CDK15: variants seen among roughly 807,000 people sequenced by gnomAD.
CDK15 encodes the protein cyclin dependent kinase 15.
A neutral mutation model predicts 60.3 loss-of-function variants in CDK15; 62 were observed. The ratio of observed to expected loss-of-function variants is 1.03; its 90% CI spans 0.84 to 1.27. The LOEUF (loss-of-function observed/expected upper bound fraction) is 1.27. Among genes scored for constraint, CDK15 ranks in the 50% most tolerant of loss-of-function variants. The pLI is 0.00. For missense variants in CDK15, 541 were observed against 527.8 expected (o/e 1.03, Z -0.25); for synonymous variants, 194 against 195.7 (o/e 0.99, Z 0.07).
chr2:201,854,703 G>A lies in CDK15; in HGVS notation c.946-171G>A, dbSNP rs1045548698. ...CAGTTTTGCCCAAGAAACCACAAACGTTGGAAACACTCAAGTTTCTTTCTC... is the reference window on the plus strand; with the variant it reads ...CAGTTTTGCCCAAGAAACCACAAACATTGGAAACACTCAAGTTTCTTTCTC... On this transcript the variant is annotated intron_variant, in intron 9 of 13. Coordinates refer to ENST00000652192, the MANE Select transcript of CDK15 (RefSeq NM_001366386.2). 1.5e-5 allele frequency: 9 copies of A among 599,576 alleles called. No homozygotes were observed. In the East Asian group the frequency reaches 2.0e-4, roughly 13 times the overall value. 37.1% of individuals were successfully genotyped at this position (599,576 alleles called of 1,614,324 possible).
intron 9 of CDK15, among the ~76,000 whole-genome samples, chr2:201,850,581 C>T (rs1697864290): frequency 6.6e-6 from 1 of 152,194 alleles, no homozygotes; most frequent in Non-Finnish European, 1.5e-5. Flanking sequence ...ACTATAGATG[C>T]AGTAACAAAA....
chr2:201,874,964 G>A (rs899491723), intron 11 of CDK15, among the ~76,000 whole-genome samples: 1 of 151,442 alleles, frequency 6.6e-6, no homozygotes, highest in African/African-American at 2.4e-5. Flanking sequence ...GCACCTCAGA[G>A]GTCAGTGGCA....
At chr2:201,891,615 C>A (rs1699641540) in intron 13 of CDK15, among the ~76,000 whole-genome samples, 1 of 152,040 alleles carries the variant, frequency 6.6e-6, no homozygotes, top group African/African-American at 2.4e-5. Flanking sequence ...TTCCCAAACC[C>A]ACCATACCCT....
chr2:201,806,596 A>G lies in CDK15; in HGVS notation c.-69A>G. On this transcript the variant is annotated 5_prime_UTR_variant, in exon 1 of 14. Coordinates refer to ENST00000652192, the MANE Select transcript of CDK15 (RefSeq NM_001366386.2). ...CTGCTGACCTCTGGCAAAAAGGGAG[A>G]GAACAAGGATAGGAGAGGCAGTGGG... 3 of 1,468,868 alleles carry G rather than the reference A, an allele frequency of 2.0e-6. No homozygotes were observed. Among genetic ancestry groups the G allele is most frequent in the Admixed American group, 4.1e-5 (2 of 48,396 alleles). 91.0% of individuals were successfully genotyped at this position (1,468,868 alleles called of 1,614,324 possible).
chr2:201,889,038 C>T, intron 12 of CDK15: 6 of 985,414 alleles, frequency 6.1e-6, no homozygotes, highest in Non-Finnish European at 7.2e-6. Context: ...CCCTTTCCAG[C>T]CTATTTGGAA....
chr2:201,868,514 G>A (rs1404528444), intron 10 of CDK15, among the ~76,000 whole-genome samples: 2 of 152,132 alleles, frequency 1.3e-5, no homozygotes, highest in African/African-American at 4.8e-5. Flanking sequence ...TAATGGTCCA[G>A]AGCAGGCATT....
chr2:201,883,431 G>T (rs1019306624), intron 12 of CDK15, among the ~76,000 whole-genome samples: 5 of 152,202 alleles, frequency 3.3e-5, no homozygotes, highest in African/African-American at 1.2e-4. Flanking sequence ...ACGCTGAGAA[G>T]TCCCGAACAA....
intron 8 of CDK15, among the ~76,000 whole-genome samples, chr2:201,844,316 G>C (rs1697543245): frequency 6.6e-6 from 1 of 152,158 alleles, no homozygotes; most frequent in Non-Finnish European, 1.5e-5. Context: ...TGGGGGGCAG[G>C]GTGGAGACCA....
chr2:201,865,479 GA>G (rs2105806118), intron 10 of CDK15, among the ~76,000 whole-genome samples: 1 of 152,276 alleles, frequency 6.6e-6, no homozygotes, highest in African/African-American at 2.4e-5. Context: ...TTCACAATTA[GA>G]AAAGTGATAC....
chr2:201,844,595 A>G (rs749346667), intron 8 of CDK15, among the ~76,000 whole-genome samples: 82 of 152,230 alleles, frequency 5.4e-4, no homozygotes, highest in Non-Finnish European at 7.5e-4. Flanking sequence ...CATAAGTTAC[A>G]TTTATCTGAT....
intron 3 of CDK15, among the ~76,000 whole-genome samples, chr2:201,808,278 T>C (rs1695605312): frequency 6.6e-6 from 1 of 152,204 alleles, no homozygotes. Context: ...GGAGGCACAG[T>C]TGGTAAAGCG....
chr2:201,861,346 G>C, intron 10 of CDK15: 11 of 988,436 alleles, frequency 1.1e-5, no homozygotes, highest in Non-Finnish European at 1.3e-5. Flanking sequence ...CTTTCTCCTA[G>C]GCTCACAGAG....
At chr2:201,814,967 T>G (rs1695927322) in intron 4 of CDK15, among the ~76,000 whole-genome samples, 1 of 134,826 alleles carries the variant, frequency 7.4e-6, no homozygotes, top group African/African-American at 2.7e-5. Context: ...TTTTTTTTTT[T>G]TGAGACGAAG....
chr2:201,864,230 C>A (rs556241423), intron 10 of CDK15, among the ~76,000 whole-genome samples: 1 of 152,186 alleles, frequency 6.6e-6, no homozygotes, highest in South Asian at 2.1e-4. Context: ...TTGGACTTGG[C>A]TGTGATATGA....
intron 10 of CDK15, among the ~76,000 whole-genome samples, chr2:201,858,265 A>G (rs979292329): frequency 6.6e-6 from 1 of 152,186 alleles, no homozygotes; most frequent in Admixed American, 6.5e-5. Context: ...CTAGCCATCA[A>G]TTCAGATTCT....
intron 11 of CDK15, among the ~76,000 whole-genome samples, chr2:201,875,833 T>C (rs931800397): frequency 6.6e-6 from 1 of 152,068 alleles, no homozygotes; most frequent in Non-Finnish European, 1.5e-5. Context: ...TATCTCAGAG[T>C]GATGGGCTAG....
Position 201,812,358 on chromosome 2 carries a change from A to C in CDK15, c.369-125A>C, listed in dbSNP as rs1695814475. The C allele has an allele frequency of 8.7e-6, 5 of 571,802 alleles. No homozygotes were observed. In the East Asian group the frequency reaches 1.5e-4, roughly 17 times the overall value. 35.4% of individuals were successfully genotyped at this position (571,802 alleles called of 1,614,324 possible). A position where few individuals can be genotyped will look rare whatever the true frequency, so the allele number is the denominator to read the frequency against. Reference sequence around the variant, plus strand: ...ACATGTTAAACTTTTTATTTTGAGAAAATTATAGATTTATATGCTAGAATA... The same window carrying C: ...ACATGTTAAACTTTTTATTTTGAGACAATTATAGATTTATATGCTAGAATA... On this transcript the variant is annotated intron_variant, in intron 3 of 13. Transcript: ENST00000652192.
chr2:201,833,902 C>T lies in CDK15; in HGVS notation c.661C>T (p.Leu221Phe). The T allele has an allele frequency of 6.2e-7, 1 of 1,614,044 alleles. No individual in the cohort carries two copies. The highest frequency in any genetic ancestry group is 8.5e-7 in the Non-Finnish European group (1 of 1,179,986). Reference protein sequence around the residue: ...GLAYIHHQHVLHRDLKPQNLL... With the variant: ...GLAYIHHQHVFHRDLKPQNLL... ...GGCGTACATCCACCACCAACACGTT[C>T]TTCACAGGGACCTGAAACCTCAGAA... The change falls in exon 7 of 14, where the codon CTT becomes TTT. Residue 221 changes from leucine (L) to phenylalanine (F), a missense_variant. Leu to Phe is a conservative substitution (Grantham distance 22). Transcript: ENST00000652192.
chr2:201,872,447 C>A (rs1698885463), intron 11 of CDK15, 121 bp downstream of exon 11: 4 of 1,026,238 alleles, frequency 3.9e-6, no homozygotes, highest in East Asian at 4.8e-5. Context: ...GGGCTCTAAG[C>A]TGTAGGAAGA....
Sources: allele counts gnomAD v4.1 joint callset (sites outside exome capture counted in the v4.1 genomes callset), GRCh38; gene constraint gnomAD v4.1.1; transcripts MANE v1.5; gene names NCBI Gene and HGNC (gene_info 2026-07-23, HGNC 2026-07-21).